MIB1: variants seen among roughly 807,000 people sequenced by gnomAD.
MIB1 encodes E3 ubiquitin-protein ligase MIB1.
Under a neutral mutation model 124.5 loss-of-function variants are expected in MIB1, and 278 were observed. The observed-to-expected ratio is 2.23, with a 90% CI of 2.02 to 2.47. The LOEUF is 2.47. Among genes scored for constraint, MIB1 ranks in the 30% most tolerant of loss-of-function variants. MIB1 has a pLI of 0.00. For synonymous variants in MIB1, 446 were observed against 429.4 expected (o/e 1.04, Z -0.48); for missense variants, 957 against 1,254.4 (o/e 0.76, Z 3.58).
At chr18:21,826,677 A>G (rs1443035836) in intron 12 of MIB1, 1 of 152,080 alleles carries the variant, frequency 6.6e-6, no homozygotes, top group African/African-American at 2.4e-5. Flanking sequence ...ATGTCTTGAG[A>G]GGGGTGTCTT....
rs74628647 is a variant in MIB1, at chr18:21,790,569, C to T, written c.909-805C>T. 6.5e-3 allele frequency among the ~76,000 whole-genome samples: 990 copies of T among 151,958 alleles called. 11 individuals are homozygous for T. Among genetic ancestry groups the T allele is most frequent in the African/African-American group, 0.023 (947 of 41,442 alleles). On this transcript the variant is annotated intron_variant, in intron 6 of 20. Transcript: ENST00000261537. ...ATATATGTATGTGTCCCTATGTCTG[C>T]GTATACATATATATGTATATAATAT...
chr18:21,859,745 C>T (rs1010847224), intron 20 of MIB1, among the ~76,000 whole-genome samples: 3 of 151,522 alleles, frequency 2.0e-5, no homozygotes, highest in Non-Finnish European at 4.4e-5. Context: ...AAAAATTAGC[C>T]AGGCATGGTG....
chr18:21,842,242 C>T (rs1337842412), intron 13 of MIB1, among the ~76,000 whole-genome samples: 1 of 151,992 alleles, frequency 6.6e-6, no homozygotes, highest in Non-Finnish European at 1.5e-5. Flanking sequence ...GCTCTGCATA[C>T]CCCGCCAGTA....
At chr18:21,733,956 C>A (rs955174620) in intron 1 of MIB1, among the ~76,000 whole-genome samples, 8 of 152,024 alleles carry the variant, frequency 5.3e-5, no homozygotes, top group Non-Finnish European at 1.0e-4. Context: ...CCCATCTCAT[C>A]CTTTCTTAAA....
At chr18:21,856,559 C>CG (rs1364612723) in intron 18 of MIB1, among the ~76,000 whole-genome samples, 1 of 151,850 alleles carries the variant, frequency 6.6e-6, no homozygotes, top group African/African-American at 2.4e-5. Flanking sequence ...TTATCATGTC[C>CG]GGGGGTGTTG....
chr18:21,814,393 A>G lies in MIB1; in HGVS notation c.1480-1223A>G, dbSNP rs532398019. On this transcript the variant is annotated intron_variant, in intron 10 of 20. Transcript: ENST00000261537. Reference sequence around the variant, plus strand: ...TTTGGCATTCTTTTTTTTTTTTTCAATCACACAACTCATCTTAGTTTACTT... The same window carrying G: ...TTTGGCATTCTTTTTTTTTTTTTCAGTCACACAACTCATCTTAGTTTACTT... Among the ~76,000 whole-genome samples, 9 of 151,120 alleles carry G rather than the reference A, an allele frequency of 6.0e-5. No individual in the cohort carries two copies. The South Asian group carries it at 1.7e-3, about 28-fold the overall frequency.
At chr18:21,775,416 A>T (rs181248622) in intron 4 of MIB1, among the ~76,000 whole-genome samples, 12 of 152,222 alleles carry the variant, frequency 7.9e-5, no homozygotes, top group South Asian at 2.1e-4. Context: ...ATATTAAAAA[A>T]TTTTTAGTAG....
upstream of MIB1, among the ~76,000 whole-genome samples, chr18:21,739,738 C>G (rs561568045): frequency 4.6e-5 from 7 of 151,956 alleles, no homozygotes; most frequent in East Asian, 1.9e-4. Context: ...ACTGCCCCCC[C>G]GCTCATCTCT....
intron 7 of MIB1, among the ~76,000 whole-genome samples, chr18:21,796,483 CA>C (rs1480323944): frequency 6.6e-6 from 1 of 152,070 alleles, no homozygotes; most frequent in Non-Finnish European, 1.5e-5. Flanking sequence ...TTGATAGGTG[CA>C]GCAGACCACC....
chr18:21,719,519 AC>A (rs2040704842), intron 1 of MIB1, among the ~76,000 whole-genome samples: 1 of 151,940 alleles, frequency 6.6e-6, no homozygotes, highest in African/African-American at 2.4e-5. Context: ...CGATCTCTGC[AC>A]ACTGCAACCT....
chr18:21,774,331 G>A (rs112890074), intron 4 of MIB1, among the ~76,000 whole-genome samples: 91 of 152,336 alleles, frequency 6.0e-4, no homozygotes, highest in African/African-American at 1.8e-3. Context: ...GCTCACGCCT[G>A]TAATCCCAGC....
intron 10 of MIB1, among the ~76,000 whole-genome samples, chr18:21,807,369 C>T (rs1472250563): frequency 6.6e-6 from 1 of 152,126 alleles, no homozygotes; most frequent in African/African-American, 2.4e-5. Context: ...GAAGCCCAGG[C>T]TGTGGTGAGC....
At position 21,711,047 on chromosome 18, in the gene MIB1, G is replaced by A. The variant is rs951256561; in HGVS notation, n.167+5924G>A. ...TCACCATGTTGGCCAGGCTGGTCTTGAACTCCTGACCTCAGGTGATCCACC... is the reference window on the plus strand; with the variant it reads ...TCACCATGTTGGCCAGGCTGGTCTTAAACTCCTGACCTCAGGTGATCCACC... On this transcript the variant is annotated intron_variant and non_coding_transcript_variant, in intron 1 of 20. Coordinates refer to the MIB1 transcript ENST00000578646. 1.0e-3 allele frequency among the ~76,000 whole-genome samples: 155 copies of A among 152,026 alleles called. 1 individual carries two copies. Among genetic ancestry groups the A allele is most frequent in the Non-Finnish European group, 1.1e-3 (75 of 67,960 alleles).
At chr18:21,840,828 C>T (rs962690398) in intron 13 of MIB1, among the ~76,000 whole-genome samples, 4 of 151,320 alleles carry the variant, frequency 2.6e-5, no homozygotes, top group African/African-American at 9.7e-5. Context: ...AAGACCTTGT[C>T]TTAAAAATAA....
At chr18:21,787,206 T>C (rs1265249081) in intron 6 of MIB1, among the ~76,000 whole-genome samples, 1 of 152,122 alleles carries the variant, frequency 6.6e-6, no homozygotes, top group Non-Finnish European at 1.5e-5. Flanking sequence ...TGGAACTCTG[T>C]TCATCCTGAA....
At chr18:21,811,234 A>C (rs1328799491) in intron 10 of MIB1, among the ~76,000 whole-genome samples, 7 of 152,140 alleles carry the variant, frequency 4.6e-5, no homozygotes, top group African/African-American at 1.7e-4. Context: ...GTCAGTGAGG[A>C]TGTGGAGTAA....
intron 1 of MIB1, among the ~76,000 whole-genome samples, chr18:21,752,650 A>G (rs912460100): frequency 4.6e-5 from 7 of 152,208 alleles, no homozygotes; most frequent in Admixed American, 4.6e-4. Context: ...TGAAGAATAT[A>G]AGGAAACAAC....
chr18:21,821,593 TG>T (rs1223256560), intron 12 of MIB1, among the ~76,000 whole-genome samples: 1 of 147,680 alleles, frequency 6.8e-6, no homozygotes, highest in African/African-American at 2.6e-5. Context: ...GTGTTTTTTT[TG>T]TTTTTTTTGT....
At position 21,772,376 on chromosome 18, in the gene MIB1, G is replaced by A. The variant is rs115704471; in HGVS notation, c.532-1248G>A. Among the ~76,000 whole-genome samples, 488 of 152,210 alleles carry A rather than the reference G, an allele frequency of 3.2e-3. 7 individuals are homozygous for A. Among genetic ancestry groups the A allele is most frequent in the African/African-American group, 0.011 (465 of 41,524 alleles). ...GCTGTAGTCAGGTTTACTTGAGAAG[G>A]TCCAAGTTTAATGCTGTTTGTCATT... On this transcript the variant is annotated intron_variant, in intron 3 of 20. Transcript: ENST00000261537.
Sources: gnomAD v4.1 joint callset for allele counts (sites outside exome capture counted in the v4.1 genomes callset) on GRCh38, gnomAD v4.1.1 for gene constraint, MANE v1.5 for transcripts, NCBI Gene and HGNC (gene_info 2026-07-23, HGNC 2026-07-21) for gene names.